Variants in DLG2 observed in about 807,000 individuals in gnomAD.
DLG2 encodes disks large homolog 2.
DLG2 carries 45 observed loss-of-function variants against 132.5 expected under a neutral mutation model. The observed-to-expected ratio is 0.34, with a 90% CI of 0.27 to 0.44. The LOEUF (loss-of-function observed/expected upper bound fraction) is 0.44. Among genes scored for constraint, DLG2 ranks in the 20% least tolerant of loss-of-function variants. DLG2 has a pLI of 1.00. For synonymous variants in DLG2, 424 were observed against 419.6 expected (o/e 1.01, Z -0.13); for missense variants, 1,045 against 1,196.9 (o/e 0.87, Z 1.87).
Position 84,028,667 on chromosome 11 carries a change from T to C in DLG2, c.919+30648A>G, listed in dbSNP as rs374665902. 1.7e-4 allele frequency among the ~76,000 whole-genome samples: 26 copies of C among 152,260 alleles called. No individual in the cohort carries two copies. The East Asian group carries it at 4.4e-3, about 26-fold the overall frequency. On this transcript the variant is annotated intron_variant, in intron 11 of 27. Transcript: ENST00000376104. The stretch of plus-strand genomic sequence containing the variant: ...TTACTCCTTACCATGGCCTCCTGCC[T>C]ATTAAGGTCTTTGCTTCATGAAAAT...
intron 3 of DLG2, among the ~76,000 whole-genome samples, chr11:85,462,214 T>G (rs900463779): frequency 6.6e-6 from 1 of 152,232 alleles, no homozygotes; most frequent in Non-Finnish European, 1.5e-5. Context: ...GACGGTAAAC[T>G]AGTTCATCCT....
intron 6 of DLG2, among the ~76,000 whole-genome samples, chr11:85,040,744 T>C (rs2061791138): frequency 6.6e-6 from 1 of 151,928 alleles, no homozygotes. Context: ...TGTATTTACC[T>C]ATGTTGATTT....
intron 6 of DLG2, among the ~76,000 whole-genome samples, chr11:84,912,177 T>C (rs1232399242): frequency 6.6e-6 from 1 of 152,118 alleles, no homozygotes; most frequent in Non-Finnish European, 1.5e-5. Context: ...TAAGACGGAG[T>C]CTCACTCTGT....
chr11:83,717,038 T>C (rs2086863018), intron 18 of DLG2, among the ~76,000 whole-genome samples: 1 of 152,184 alleles, frequency 6.6e-6, no homozygotes, highest in Non-Finnish European at 1.5e-5. Context: ...TTAAATATTT[T>C]GTAGTACCCT....
chr11:83,970,017 A>T (rs1375046054), intron 12 of DLG2, among the ~76,000 whole-genome samples: 1 of 152,226 alleles, frequency 6.6e-6, no homozygotes, highest in African/African-American at 2.4e-5. Context: ...AGAGAACAGA[A>T]GAGAAACAGT....
intron 16 of DLG2, among the ~76,000 whole-genome samples, chr11:83,869,177 T>G (rs1003932176): frequency 3.9e-5 from 6 of 152,276 alleles, no homozygotes; most frequent in Admixed American, 3.9e-4. Flanking sequence ...AAAGATGACC[T>G]GGTGATTTTC....
At position 85,024,957 on chromosome 11, in the gene DLG2, T is replaced by C. The variant is rs546496319; in HGVS notation, c.357+86704A>G. ...GAAAGTTAGAAAGTAGAATATTCCA[T>C]TGATTGGCAAAATAATCCTCATTCA... is the stretch of plus-strand genomic sequence containing the variant. On this transcript the variant is annotated intron_variant, in intron 6 of 27. Coordinates refer to ENST00000376104, the MANE Select transcript of DLG2 (RefSeq NM_001142699.3). 1.4e-4 allele frequency among the ~76,000 whole-genome samples: 21 copies of C among 152,322 alleles called. No individual in the cohort carries two copies. In the South Asian group the frequency reaches 4.1e-3, roughly 30 times the overall value.
At chr11:85,516,349 G>A (rs184783032) in intron 3 of DLG2, among the ~76,000 whole-genome samples, 126 of 152,102 alleles carry the variant, frequency 8.3e-4, no homozygotes, top group Non-Finnish European at 8.8e-5. Flanking sequence ...AGGACAGAAA[G>A]ATCACAAATT....
chr11:83,680,813 G>A (rs2078656703), intron 18 of DLG2, among the ~76,000 whole-genome samples: 1 of 152,174 alleles, frequency 6.6e-6, no homozygotes, highest in Non-Finnish European at 1.5e-5. Context: ...TTTATTGGAA[G>A]TGTGGTGGTG....
intron 6 of DLG2, among the ~76,000 whole-genome samples, chr11:84,559,152 G>A (rs2099417972): frequency 6.6e-6 from 1 of 152,118 alleles, no homozygotes; most frequent in African/African-American, 2.4e-5. Context: ...TTAATTTTGA[G>A]TGATGTATGT....
Position 83,694,402 on chromosome 11 carries a change from C to T in DLG2, c.1826-61077G>A, listed in dbSNP as rs149410722. 3.0e-3 allele frequency among the ~76,000 whole-genome samples: 454 copies of T among 152,284 alleles called. 1 individual carries two copies. Among genetic ancestry groups the T allele is most frequent in the Non-Finnish European group, 4.9e-3 (333 of 68,016 alleles). The stretch of plus-strand genomic sequence containing the variant: ...AGGCCATTGTCCCCGGCCCTGGAGA[C>T]TAGCCTGCCTGAACATGATTCACAG... On this transcript the variant is annotated intron_variant, in intron 18 of 27. Coordinates refer to ENST00000376104, the MANE Select transcript of DLG2 (RefSeq NM_001142699.3).
intron 6 of DLG2, among the ~76,000 whole-genome samples, chr11:85,050,594 TC>T (rs2062797121): frequency 6.6e-6 from 1 of 152,150 alleles, no homozygotes; most frequent in Non-Finnish European, 1.5e-5. Context: ...AGAGTTTTGT[TC>T]AATGTTGGAC....
chr11:84,624,774 C>T (rs1404212298), intron 6 of DLG2, among the ~76,000 whole-genome samples: 1 of 150,788 alleles, frequency 6.6e-6, no homozygotes, highest in South Asian at 2.1e-4. Context: ...ACACCACTCC[C>T]TCATCTTAAG....
At chr11:85,199,489 T>A (rs1200838576) in intron 4 of DLG2, among the ~76,000 whole-genome samples, 2 of 152,216 alleles carry the variant, frequency 1.3e-5, no homozygotes, top group East Asian at 3.8e-4. Context: ...CAAAGTTCAT[T>A]GAACCAAGCA....
chr11:83,989,044 G>C (rs928973428), intron 11 of DLG2, among the ~76,000 whole-genome samples: 1 of 152,090 alleles, frequency 6.6e-6, no homozygotes, highest in African/African-American at 2.4e-5. Flanking sequence ...TTAAGTGAAA[G>C]AATGAATGAA....
chr11:84,759,928 C>A (rs1392235427), intron 6 of DLG2, among the ~76,000 whole-genome samples: 1 of 151,924 alleles, frequency 6.6e-6, no homozygotes, highest in South Asian at 2.1e-4. Context: ...ACACCTGTAA[C>A]AAGCATATAA....
At chr11:83,849,747 TC>T in intron 16 of DLG2, among the ~76,000 whole-genome samples, 1 of 67,020 alleles carries the variant, frequency 1.5e-5, no homozygotes, top group Admixed American at 1.2e-4. Flanking sequence ...AATCTGGAGC[TC>T]CTTTTTTTTT....
chr11:85,254,594 G>T (rs1223838832), intron 4 of DLG2, among the ~76,000 whole-genome samples: 1 of 152,110 alleles, frequency 6.6e-6, no homozygotes, highest in African/African-American at 2.4e-5. Flanking sequence ...AATGATAGTT[G>T]GATGGTTAGA....
intron 11 of DLG2, among the ~76,000 whole-genome samples, chr11:83,997,495 G>A (rs1172338781): frequency 4.6e-5 from 7 of 151,998 alleles, no homozygotes; most frequent in African/African-American, 1.7e-4. Context: ...AGCATTTTGG[G>A]AGGCTGAGGT....
Sources: gnomAD v4.1 joint callset for allele counts (sites outside exome capture counted in the v4.1 genomes callset) on GRCh38, gnomAD v4.1.1 for gene constraint, MANE v1.5 for transcripts, NCBI Gene and HGNC (gene_info 2026-07-23, HGNC 2026-07-21) for gene names.